Variants in B4GALT5 observed in about 807,000 individuals in gnomAD.
The protein encoded by B4GALT5 is UDP-Gal:beta-GlcNAc beta-1,4-galactosyltransferase 5.
A neutral mutation model predicts 45.0 loss-of-function variants in B4GALT5; 11 were observed. That is an observed-to-expected ratio of 0.24 (90% CI 0.15 to 0.40). B4GALT5 has a LOEUF of 0.40. B4GALT5 is among the 10% of genes least tolerant of loss of function. The pLI is 1.00. For synonymous variants in B4GALT5, 185 were observed against 182.9 expected (o/e 1.01, Z -0.09); for missense variants, 337 against 500.2 (o/e 0.67, Z 3.11).
chr20:49,691,805 C>T (rs752824703), intron 1 of B4GALT5, among the ~76,000 whole-genome samples: 43 of 152,106 alleles, frequency 2.8e-4, no homozygotes, highest in Admixed American at 1.1e-3. Context: ...CCTTATGCTT[C>T]GCTGTATTTC....
chr20:49,665,484 G>A lies in B4GALT5; in HGVS notation c.116-8782C>T, dbSNP rs185752035. 2.8e-3 allele frequency among the ~76,000 whole-genome samples: 399 copies of A among 144,060 alleles called. 1 individual carries two copies. The highest frequency in any genetic ancestry group is 8.0e-3 in the African/African-American group (310 of 38,992). 94.5% of individuals were successfully genotyped at this position (144,060 alleles called of 152,430 possible). A position where few individuals can be genotyped will look rare whatever the true frequency, so the allele number is the denominator to read the frequency against. ...TAATAATAATAATAATAATAATAAT[G>A]AAGAAACATCAAGTCCTAAGGACTT... On this transcript the variant is annotated intron_variant, in intron 1 of 8. Coordinates refer to ENST00000371711, the MANE Select transcript of B4GALT5 (RefSeq NM_004776.4).
At position 49,643,732 on chromosome 20, in the gene B4GALT5, C is replaced by T. The variant is rs543078051; in HGVS notation, c.365-82G>A. ...GCCTGGGGTTTTAGTCTCTGGAGAG[C>T]GCAATGCTTTTTCAGCTGAATTTGT... On this transcript the variant is annotated intron_variant, in intron 3 of 8. Coordinates refer to ENST00000371711, the MANE Select transcript of B4GALT5 (RefSeq NM_004776.4). 4.6e-5 allele frequency: 66 copies of T among 1,448,970 alleles called. 1 individual carries two copies. The highest frequency in any genetic ancestry group is 4.3e-4 in the African/African-American group (30 of 70,108). The allele number at this position is 1,448,970 out of a possible 1,614,324, so 89.8% of individuals were successfully genotyped here. A position where few individuals can be genotyped will look rare whatever the true frequency, so the allele number is the denominator to read the frequency against.
rs2085563854 is a variant in B4GALT5 at position 49,638,668 on chromosome 20, C to A, written c.917+1010G>T. Among the ~76,000 whole-genome samples, 7 of 151,436 alleles carry A rather than the reference C, an allele frequency of 4.6e-5. No individual in the cohort carries two copies. In the South Asian group the frequency reaches 1.5e-3, roughly 32 times the overall value. ...GTTAGAACCTTTAGCAGGAGGGGCA[C>A]TTAGTTATAATATGCCTTAAAAACC... On this transcript the variant is annotated intron_variant, in intron 7 of 8. Coordinates refer to ENST00000371711, the MANE Select transcript of B4GALT5 (RefSeq NM_004776.4).
intron 1 of B4GALT5, among the ~76,000 whole-genome samples, chr20:49,710,960 G>A (rs771537375): frequency 5.3e-5 from 8 of 151,862 alleles, no homozygotes; most frequent in Non-Finnish European, 1.0e-4. Context: ...GCATGTACCT[G>A]GAGTCCCAGC....
chr20:49,691,466 G>C (rs1302758222), intron 1 of B4GALT5, among the ~76,000 whole-genome samples: 1 of 152,006 alleles, frequency 6.6e-6, no homozygotes, highest in African/African-American at 2.4e-5. Flanking sequence ...AGGCTGCAGT[G>C]AGCCATGATT....
intron 1 of B4GALT5, among the ~76,000 whole-genome samples, chr20:49,700,327 A>G (rs1230576254): frequency 6.6e-6 from 1 of 152,234 alleles, no homozygotes; most frequent in Non-Finnish European, 1.5e-5. Flanking sequence ...GTAATTAAGT[A>G]AAGTTAATTT....
At chr20:49,675,064 A>G (rs1044570474) in intron 1 of B4GALT5, among the ~76,000 whole-genome samples, 10 of 152,246 alleles carry the variant, frequency 6.6e-5, no homozygotes, top group African/African-American at 2.2e-4. Context: ...GCATGAGCTC[A>G]GGAAGAAAAG....
chr20:49,645,556 C>CT (rs1420668988), intron 3 of B4GALT5, among the ~76,000 whole-genome samples: 2 of 152,110 alleles, frequency 1.3e-5, no homozygotes, highest in Non-Finnish European at 2.9e-5. Context: ...CAAGACCAGC[C>CT]TGGCCAACAT....
chr20:49,692,930 T>C (rs1367346739), intron 1 of B4GALT5, among the ~76,000 whole-genome samples: 1 of 152,244 alleles, frequency 6.6e-6, no homozygotes, highest in Non-Finnish European at 1.5e-5. Context: ...TATCCAATGG[T>C]GATCCTCTAA....
intron 1 of B4GALT5, among the ~76,000 whole-genome samples, chr20:49,701,082 A>G (rs186643276): frequency 3.5e-4 from 53 of 152,380 alleles, no homozygotes; most frequent in Admixed American, 1.6e-3. Flanking sequence ...GACTTAAAAA[A>G]TAACAGTGAT....
At chr20:49,678,171 C>A (rs561394022) in intron 1 of B4GALT5, among the ~76,000 whole-genome samples, 5 of 152,250 alleles carry the variant, frequency 3.3e-5, no homozygotes, top group African/African-American at 1.2e-4. Context: ...TCAAATGACA[C>A]TGGAAGTGGG....
chr20:49,646,856 A>G lies in B4GALT5; in HGVS notation c.364+109T>C, dbSNP rs138782719. The G allele has an allele frequency of 1.4e-4, 91 of 649,882 alleles. No homozygotes were observed. The African/African-American group carries it at 1.6e-3, about 11-fold the overall frequency. 40.3% of individuals were successfully genotyped at this position (649,882 alleles called of 1,614,324 possible). Reference sequence around the variant, plus strand: ...ACAACTTTCACAAACCCTGTTTCCAATGGCAGGGAGGTATTTATATTCTCT... The same window carrying G: ...ACAACTTTCACAAACCCTGTTTCCAGTGGCAGGGAGGTATTTATATTCTCT... On this transcript the variant is annotated intron_variant, in intron 3 of 8. Transcript: ENST00000371711.
intron 1 of B4GALT5, among the ~76,000 whole-genome samples, chr20:49,710,731 T>A (rs1335361909): frequency 1.3e-5 from 2 of 152,028 alleles, no homozygotes; most frequent in African/African-American, 4.8e-5. Context: ...CTAGTATTAT[T>A]TTCTAAGCTC....
At chr20:49,701,351 T>A (rs979015195) in intron 1 of B4GALT5, among the ~76,000 whole-genome samples, 4 of 152,052 alleles carry the variant, frequency 2.6e-5, no homozygotes, top group South Asian at 4.1e-4. Flanking sequence ...GAAAAAAAAA[T>A]ATGTATCAAA....
At chr20:49,711,224 G>A (rs1169053912) in intron 1 of B4GALT5, among the ~76,000 whole-genome samples, 2 of 152,036 alleles carry the variant, frequency 1.3e-5, no homozygotes, top group African/African-American at 2.4e-5. Context: ...AGGGGATACA[G>A]TACTAATGAA....
chr20:49,692,978 T>C (rs1424187789), intron 1 of B4GALT5, among the ~76,000 whole-genome samples: 2 of 152,224 alleles, frequency 1.3e-5, no homozygotes, highest in Non-Finnish European at 2.9e-5. Context: ...CTTTTCTGTT[T>C]AGATATATTT....
intron 3 of B4GALT5, among the ~76,000 whole-genome samples, chr20:49,644,252 AAT>A (rs1254180018): frequency 6.6e-6 from 1 of 151,096 alleles, no homozygotes; most frequent in African/African-American, 2.4e-5. Flanking sequence ...TTTGTTTATT[AAT>A]ATGTTTTAAT....
At chr20:49,643,922 CTTTTTTTTTTTTTT>C (rs138727530) in intron 3 of B4GALT5, among the ~76,000 whole-genome samples, 1 of 52,156 alleles carries the variant, frequency 1.9e-5, no homozygotes, top group Non-Finnish European at 3.3e-5. Flanking sequence ...AGTAGCTGAG[CTTTTTTTTTTTTTT>C]TTTTTTTTTT....
intron 1 of B4GALT5, among the ~76,000 whole-genome samples, chr20:49,662,177 A>C (rs1053006589): frequency 6.6e-6 from 1 of 152,166 alleles, no homozygotes; most frequent in Non-Finnish European, 1.5e-5. Flanking sequence ...TTGGCTTGGT[A>C]AGCTAAAAGA....
Sources: gnomAD v4.1 joint callset for allele counts (sites outside exome capture counted in the v4.1 genomes callset) on GRCh38, gnomAD v4.1.1 for gene constraint, MANE v1.5 for transcripts, NCBI Gene and HGNC (gene_info 2026-07-23, HGNC 2026-07-21) for gene names.